SETD2: variants seen among roughly 807,000 people sequenced by gnomAD.
SETD2 encodes SET domain containing 2, histone lysine methyltransferase.
A neutral mutation model predicts 242.1 loss-of-function variants in SETD2; 31 were observed. The ratio of observed to expected loss-of-function variants is 0.13; its 90% CI spans 0.10 to 0.17. The LOEUF is 0.17. Among genes scored for constraint, SETD2 ranks in the 10% least tolerant of loss-of-function variants. The pLI is 1.00. For synonymous variants in SETD2, 1,006 were observed against 1,066.5 expected (o/e 0.94, Z 1.11); for missense variants, 2,481 against 3,046.3 (o/e 0.81, Z 4.37).
chr3:47,039,220 T>C (rs1191133543), intron 17 of SETD2, among the ~76,000 whole-genome samples: 11 of 152,152 alleles, frequency 7.2e-5, no homozygotes, highest in Non-Finnish European at 1.6e-4. Context: ...AAACTTTTTT[T>C]TTTTTTTATT....
intron 1 of SETD2, among the ~76,000 whole-genome samples, chr3:47,138,471 A>T (rs1231722167): frequency 6.6e-6 from 1 of 150,426 alleles, no homozygotes; most frequent in African/African-American, 2.5e-5. Context: ...GCCCAGGCTG[A>T]AGTGCAATGG....
At chr3:47,160,410 C>G (rs1019944210) in intron 1 of SETD2, among the ~76,000 whole-genome samples, 1 of 152,050 alleles carries the variant, frequency 6.6e-6, no homozygotes, top group Non-Finnish European at 1.5e-5. Flanking sequence ...AAGCAATTCT[C>G]CTGCCTCAGC....
Position 47,056,920 on chromosome 3 carries a change from A to G in SETD2, c.6864T>C (p.Pro2288=). Residue 2288 remains proline (P), a synonymous_variant, in exon 15 of 21, where the codon CCT becomes CCC. Coordinates refer to ENST00000409792, the MANE Select transcript of SETD2 (RefSeq NM_014159.7). ...AATATATGGTTGCTTGAGACTGTGC[A>G]GGAGAGTACTGCTGCTGTACACTGA... is the stretch of plus-strand genomic sequence containing the variant. ...QSVSVQQQYS[P]AQSQATIYYQ... The G allele has an allele frequency of 6.2e-7, 1 of 1,614,228 alleles. No individual in the cohort carries two copies. The highest frequency in any genetic ancestry group is 8.5e-7 in the Non-Finnish European group (1 of 1,180,008).
At chr3:47,090,804 A>G (rs947411474) in intron 9 of SETD2, among the ~76,000 whole-genome samples, 2 of 152,250 alleles carry the variant, frequency 1.3e-5, no homozygotes, top group African/African-American at 4.8e-5. Context: ...ATGAAAGTCT[A>G]GAATGAAATG....
chr3:47,031,726 A>T (rs553135223), intron 18 of SETD2, among the ~76,000 whole-genome samples: 1 of 152,330 alleles, frequency 6.6e-6, no homozygotes, highest in African/African-American at 2.4e-5. Context: ...AAAGAGTATA[A>T]ATATCCCTTT....
intron 11 of SETD2, 94 bp downstream of exon 11, chr3:47,086,101 G>A: frequency 7.2e-7 from 1 of 1,389,852 alleles, no homozygotes; most frequent in South Asian, 1.2e-5. Flanking sequence ...ATGATACAGT[G>A]CTAAATTCAT....
At chr3:47,116,546 T>C in intron 4 of SETD2, 77 bp downstream of exon 4, 1 of 1,447,058 alleles carries the variant, frequency 6.9e-7, no homozygotes, top group Admixed American at 2.1e-5. Flanking sequence ...TTAAATTTTA[T>C]TCTTCATTGA....
chr3:47,163,782 G>C (rs1697581351), intron 1 of SETD2, 72 bp downstream of exon 1: 3 of 1,086,148 alleles, frequency 2.8e-6, no homozygotes, highest in East Asian at 1.0e-4. Context: ...GCCGCCACCC[G>C]TCAGGACGCG....
At chr3:47,026,994 G>T (rs1559642182) in intron 18 of SETD2, among the ~76,000 whole-genome samples, 1 of 151,736 alleles carries the variant, frequency 6.6e-6, no homozygotes, top group Non-Finnish European at 1.5e-5. Context: ...AATCACAAAA[G>T]GCCATATATT....
chr3:47,144,905 C>T (rs1185047675), intron 1 of SETD2, among the ~76,000 whole-genome samples: 1 of 152,132 alleles, frequency 6.6e-6, no homozygotes, highest in African/African-American at 2.4e-5. Context: ...GAGCTGAGAT[C>T]ACACCACTGC....
rs2043131227 is a variant in SETD2 at position 47,122,316 on chromosome 3, C to G, written c.2320G>C (p.Val774Leu). The change falls in exon 3 of 21, where the codon GTA becomes CTA. Residue 774 changes from valine to leucine, a missense_variant. Coordinates refer to ENST00000409792, the MANE Select transcript of SETD2 (RefSeq NM_014159.7). ...CTCGTATCAACTGGTTCTTTAACTA[C>G]TGTTTTGGAATAATCCACAGTCATA... is the stretch of plus-strand genomic sequence containing the variant. ...PVMTVDYSKT[V>L]VKEPVDTRVS... 1.9e-6 allele frequency: 3 copies of G among 1,614,150 alleles called. No homozygotes were observed. In the Admixed American group the frequency reaches 5.0e-5, roughly 27 times the overall value.
chr3:47,088,367 G>C (rs2041656244), intron 9 of SETD2, 120 bp from the exon 10 acceptor site: 1 of 907,974 alleles, frequency 1.1e-6, no homozygotes, highest in Middle Eastern at 2.6e-4. Context: ...AGACCAAACT[G>C]GGAAAGTACT....
rs2107549827 is a variant in SETD2, at chr3:47,046,610, C to A, written c.6975G>T (p.Gln2325His). Reference protein sequence around the residue: ...TTPPIVQSYAQPSLQYIQGQQ... With the variant: ...TTPPIVQSYAHPSLQYIQGQQ... Reference sequence around the variant, plus strand: ...GCCCCTGGATATACTGAAGACTTGGCTGGGCATAACTCTAAAAGATAAAAT... The same window carrying A: ...GCCCCTGGATATACTGAAGACTTGGATGGGCATAACTCTAAAAGATAAAAT... Residue 2325 changes from glutamine (Q) to histidine (H), a missense_variant, in exon 16 of 21, where the codon CAG becomes CAT. Physicochemically the swap from Gln to His is conservative, Grantham distance 24 (BLOSUM62 0). Coordinates refer to ENST00000409792, the MANE Select transcript of SETD2 (RefSeq NM_014159.7). The A allele has an allele frequency of 6.2e-7, 1 of 1,609,368 alleles. No individual in the cohort carries two copies.
intron 17 of SETD2, among the ~76,000 whole-genome samples, chr3:47,040,600 G>A (rs2039235959): frequency 1.8e-5 from 2 of 114,050 alleles, no homozygotes; most frequent in Non-Finnish European, 3.3e-5. Context: ...TTGGAGACAA[G>A]GTCTTGCTCT....
rs377123163 is a variant in SETD2 at position 47,163,932 on chromosome 3, G to A, written c.-8C>T. ...CGGCTGCAGCTGCTTCATCGGGAGC[G>A]GCTGGAGACGGCGACGCGAGCCCCC... On this transcript the variant is annotated 5_prime_UTR_variant, in exon 1 of 21. Coordinates refer to ENST00000409792, the MANE Select transcript of SETD2 (RefSeq NM_014159.7). 1 of 1,292,890 alleles carries A rather than the reference G, an allele frequency of 7.7e-7. No individual in the cohort carries two copies. The allele number at this position is 1,292,890 out of a possible 1,614,324, so 80.1% of individuals were successfully genotyped here.
intron 8 of SETD2, among the ~76,000 whole-genome samples, chr3:47,099,375 T>C (rs1432698233): frequency 1.3e-5 from 2 of 152,170 alleles, no homozygotes; most frequent in African/African-American, 4.8e-5. Context: ...TTACTTAAAT[T>C]TTCCAATATT....
chr3:47,141,679 A>G (rs2043731116), intron 1 of SETD2, among the ~76,000 whole-genome samples: 1 of 152,220 alleles, frequency 6.6e-6, no homozygotes, highest in Non-Finnish European at 1.5e-5. Flanking sequence ...AAATAAAAAA[A>G]TGTGTGGGCT....
chr3:47,128,060 A>G (rs2043387478), intron 1 of SETD2, among the ~76,000 whole-genome samples: 1 of 152,166 alleles, frequency 6.6e-6, no homozygotes. Context: ...AAACAGTTCA[A>G]TATTACCTGA....
chr3:47,108,490 C>G (rs1364388073), intron 5 of SETD2, among the ~76,000 whole-genome samples: 1 of 152,134 alleles, frequency 6.6e-6, no homozygotes, highest in Non-Finnish European at 1.5e-5. Flanking sequence ...GATTCAAACT[C>G]CACCTAAATA....
Sources: gnomAD v4.1 joint callset for allele counts (sites outside exome capture counted in the v4.1 genomes callset) on GRCh38, gnomAD v4.1.1 for gene constraint, MANE v1.5 for transcripts, NCBI Gene and HGNC (gene_info 2026-07-23, HGNC 2026-07-21) for gene names.